Variants in JAZF1 observed in about 807,000 individuals in gnomAD.
JAZF1 encodes juxtaposed with another zinc finger protein 1.
In JAZF1, 8 loss-of-function variants were observed where a neutral mutation model predicts 26.4. The observed-to-expected ratio is 0.30, with a 90% CI of 0.18 to 0.55. JAZF1 has a LOEUF of 0.55. JAZF1 is among the 20% of genes least tolerant of loss of function. The pLI is 0.94. For missense variants in JAZF1, 199 were observed against 322.0 expected, an observed-to-expected ratio of 0.62 and a Z score of 2.92; for synonymous variants, 126 against 122.3, an observed-to-expected ratio of 1.03 and a Z score of -0.20.
At chr7:28,114,418 T>G (rs1168104669) in intron 1 of JAZF1, among the ~76,000 whole-genome samples, 1 of 151,604 alleles carries the variant, frequency 6.6e-6, no homozygotes, top group African/African-American at 2.4e-5. Flanking sequence ...AATCTTCTGC[T>G]TGCAGGGAGG....
At chr7:28,101,348 C>T (rs551450223) in intron 1 of JAZF1, among the ~76,000 whole-genome samples, 3 of 152,094 alleles carry the variant, frequency 2.0e-5, no homozygotes, top group East Asian at 3.9e-4. Context: ...TATATTATTA[C>T]GTATATTATG....
At chr7:27,983,843 C>G (rs2128362923) in intron 2 of JAZF1, among the ~76,000 whole-genome samples, 1 of 152,212 alleles carries the variant, frequency 6.6e-6, no homozygotes. Flanking sequence ...TCATAGCCAG[C>G]CAAAGTAAGC....
chr7:27,992,123 C>CA (rs1785918839), intron 1 of JAZF1, 142 bp from the exon 2 acceptor site: 1 of 705,254 alleles, frequency 1.4e-6, no homozygotes, highest in Admixed American at 2.0e-5. Flanking sequence ...GTCGGCGAAG[C>CA]ACAATCATTT....
chr7:28,034,106 A>T (rs189824720), intron 1 of JAZF1, among the ~76,000 whole-genome samples: 2 of 149,666 alleles, frequency 1.3e-5, no homozygotes, highest in Admixed American at 1.3e-4. Flanking sequence ...ATACCTCTCT[A>T]AAAAAAAATT....
At chr7:28,128,393 G>A (rs577272198) in intron 1 of JAZF1, among the ~76,000 whole-genome samples, 5 of 152,224 alleles carry the variant, frequency 3.3e-5, no homozygotes, top group South Asian at 4.2e-4. Context: ...GTGGTGGCAC[G>A]CATAGGTAGT....
At chr7:28,171,098 G>A (rs1310160679) in intron 1 of JAZF1, among the ~76,000 whole-genome samples, 1 of 152,200 alleles carries the variant, frequency 6.6e-6, no homozygotes, top group Non-Finnish European at 1.5e-5. Context: ...GAGATCAGGA[G>A]GATTCAAAAT....
intron 3 of JAZF1, among the ~76,000 whole-genome samples, chr7:27,890,261 C>G (rs1005579026): frequency 5.3e-5 from 8 of 152,196 alleles, no homozygotes; most frequent in Non-Finnish European, 1.0e-4. Context: ...TTCAAGGTAA[C>G]AGTTTAGCAA....
chr7:27,908,092 G>A (rs1010905928), intron 2 of JAZF1, among the ~76,000 whole-genome samples: 10 of 152,228 alleles, frequency 6.6e-5, no homozygotes, highest in Non-Finnish European at 1.5e-4. Context: ...ATCTGAGAGA[G>A]AAAGTTGAGT....
intron 1 of JAZF1, among the ~76,000 whole-genome samples, chr7:28,009,997 G>A (rs1351137975): frequency 2.0e-5 from 3 of 152,036 alleles, no homozygotes; most frequent in Non-Finnish European, 4.4e-5. Context: ...TTTGCAATTT[G>A]GCTTCATCAA....
chr7:27,985,095 C>T (rs1248159279), intron 2 of JAZF1, among the ~76,000 whole-genome samples: 1 of 152,108 alleles, frequency 6.6e-6, no homozygotes, highest in African/African-American at 2.4e-5. Context: ...CAAGAAATAA[C>T]TAAGATCAGA....
chr7:28,039,289 C>A (rs1783349282), intron 1 of JAZF1, among the ~76,000 whole-genome samples: 1 of 152,020 alleles, frequency 6.6e-6, no homozygotes. Context: ...ACACACACAC[C>A]CCTTATTATT....
At chr7:27,973,032 C>A (rs910400872) in intron 2 of JAZF1, among the ~76,000 whole-genome samples, 8 of 151,304 alleles carry the variant, frequency 5.3e-5, no homozygotes, top group Non-Finnish European at 7.4e-5. Context: ...AATGTTACAA[C>A]CAATTAGAGC....
intron 2 of JAZF1, among the ~76,000 whole-genome samples, chr7:27,903,322 T>G (rs1422885172): frequency 6.6e-6 from 1 of 152,114 alleles, no homozygotes; most frequent in Non-Finnish European, 1.5e-5. Flanking sequence ...GCCTCCTGAG[T>G]AGCTGGGACT....
At chr7:27,949,055 A>G (rs1317333810) in intron 2 of JAZF1, among the ~76,000 whole-genome samples, 1 of 152,108 alleles carries the variant, frequency 6.6e-6, no homozygotes, top group African/African-American at 2.4e-5. Context: ...CCCTCATCCC[A>G]CAACAGCTGC....
chr7:28,160,205 G>C (rs1783262420), intron 1 of JAZF1, among the ~76,000 whole-genome samples: 2 of 152,016 alleles, frequency 1.3e-5, no homozygotes, highest in Admixed American at 6.6e-5. Flanking sequence ...GTCAAAAAAG[G>C]CTCCAGGATA....
At chr7:28,012,357 A>T (rs892954043) in intron 1 of JAZF1, among the ~76,000 whole-genome samples, 4 of 152,238 alleles carry the variant, frequency 2.6e-5, no homozygotes, top group Non-Finnish European at 5.9e-5. Flanking sequence ...AATATTTCAC[A>T]TTAAATCTCC....
chr7:27,882,453 A>G (rs1783790934), intron 3 of JAZF1, among the ~76,000 whole-genome samples: 1 of 152,190 alleles, frequency 6.6e-6, no homozygotes, highest in Non-Finnish European at 1.5e-5. Flanking sequence ...AGGAGGAACT[A>G]TGTAATTTTG....
rs138015064 is a variant in JAZF1, at chr7:28,033,903, G to A, written c.116-41922C>T. ...GATTACAGGCACCGCCACTATGCCC[G>A]GCTAATTTTTGTGTTTTTTTGTAGA... On this transcript the variant is annotated intron_variant, in intron 1 of 4. Coordinates refer to ENST00000283928, the MANE Select transcript of JAZF1 (RefSeq NM_175061.4). Among the ~76,000 whole-genome samples the A allele has an allele frequency of 8.5e-5, 13 of 152,066 alleles. No homozygotes were observed. The East Asian group carries it at 1.7e-3, about 20-fold the overall frequency.
rs564663065 is a variant in JAZF1 at position 28,180,622 on chromosome 7, G to T, written c.-45C>A. 3 of 1,510,578 alleles carry T rather than the reference G, an allele frequency of 2.0e-6. No individual in the cohort carries two copies. Among genetic ancestry groups the T allele is most frequent in the African/African-American group, 2.8e-5 (2 of 71,634 alleles). 93.6% of individuals were successfully genotyped at this position (1,510,578 alleles called of 1,614,324 possible). ...CCCTGGTGTCGGCTCTGCGAGCGCC[G>T]GGCGGGCGAGGGAGGGAGGGAGGCC... On this transcript the variant is annotated 5_prime_UTR_variant, in exon 1 of 5. Transcript: ENST00000283928.
Sources: allele counts gnomAD v4.1 joint callset (sites outside exome capture counted in the v4.1 genomes callset), GRCh38; gene constraint gnomAD v4.1.1; transcripts MANE v1.5; gene names NCBI Gene and HGNC (gene_info 2026-07-23, HGNC 2026-07-21).